Variants in RARB observed in about 807,000 individuals in gnomAD.
RARB encodes retinoic acid receptor beta, also known as HBV-activated protein.
Under a neutral mutation model 51.9 loss-of-function variants are expected in RARB, and 17 were observed. That is an observed-to-expected ratio of 0.33 (90% confidence interval 0.22 to 0.49). The LOEUF (loss-of-function observed/expected upper bound fraction) is 0.49. RARB is among the 20% of genes least tolerant of loss of function. The probability of loss-of-function intolerance (pLI) is 0.99; values close to 1 mark genes in which losing one functional copy is unlikely to be tolerated. For missense variants in RARB, 369 were observed against 550.8 expected, an observed-to-expected ratio of 0.67 and a Z score of 3.30; for synonymous variants, 215 against 195.4, an observed-to-expected ratio of 1.10 and a Z score of -0.84.
At chr3:25,049,916 G>T (rs1698292568) in intron 2 of RARB, among the ~76,000 whole-genome samples, 1 of 152,200 alleles carries the variant, frequency 6.6e-6, no homozygotes. Context: ...TCAAAGTCTA[G>T]TAAAGGGAAA....
chr3:25,311,036 CACA>C (rs1315076093), intron 5 of RARB, among the ~76,000 whole-genome samples: 1 of 152,162 alleles, frequency 6.6e-6, no homozygotes, highest in African/African-American at 2.4e-5. Context: ...GGTACCAGAA[CACA>C]ACATTTGATG....
chr3:25,397,705 C>A (rs1707153625), intron 5 of RARB, among the ~76,000 whole-genome samples: 1 of 152,106 alleles, frequency 6.6e-6, no homozygotes, highest in Non-Finnish European at 1.5e-5. Flanking sequence ...TTATCAAGTT[C>A]CTCATTATCA....
chr3:25,364,418 A>G (rs1706048767), intron 5 of RARB, among the ~76,000 whole-genome samples: 1 of 152,204 alleles, frequency 6.6e-6, no homozygotes, highest in Non-Finnish European at 1.5e-5. Flanking sequence ...TCCCAGAATA[A>G]TGCACATCTG....
At chr3:24,996,522 CT>C (rs1374083125) in intron 2 of RARB, among the ~76,000 whole-genome samples, 1 of 151,806 alleles carries the variant, frequency 6.6e-6, no homozygotes, top group Non-Finnish European at 1.5e-5. Context: ...TGCTTTTCTA[CT>C]TCCTTGAGGT....
chr3:24,861,475 C>T (rs1179314440), intron 2 of RARB, among the ~76,000 whole-genome samples: 2 of 151,700 alleles, frequency 1.3e-5, no homozygotes, highest in Non-Finnish European at 1.5e-5. Flanking sequence ...AATCAAGGAC[C>T]TCAAAGATCT....
chr3:25,002,798 C>T (rs1697194001), intron 2 of RARB, among the ~76,000 whole-genome samples: 1 of 151,488 alleles, frequency 6.6e-6, no homozygotes, highest in Admixed American at 6.6e-5. Context: ...ATATCTTAAC[C>T]TTTTAATTGC....
At chr3:25,455,193 G>T (rs1287876868) in intron 1 of RARB, among the ~76,000 whole-genome samples, 1 of 152,182 alleles carries the variant, frequency 6.6e-6, no homozygotes. Context: ...ATTTGACAGG[G>T]TAATTTTATG....
chr3:25,183,596 T>G (rs1575202737), intron 5 of RARB, among the ~76,000 whole-genome samples: 2 of 152,310 alleles, frequency 1.3e-5, no homozygotes, highest in Admixed American at 1.3e-4. Flanking sequence ...ACCGAGGGAT[T>G]ATTGGTGGCA....
chr3:25,406,805 C>T (rs1309846907), intron 5 of RARB, among the ~76,000 whole-genome samples: 2 of 152,164 alleles, frequency 1.3e-5, no homozygotes, highest in Non-Finnish European at 2.9e-5. Flanking sequence ...ACAGCCACTA[C>T]CATCACACCA....
At chr3:25,184,496 T>C (rs1700931154) in intron 5 of RARB, among the ~76,000 whole-genome samples, 1 of 152,062 alleles carries the variant, frequency 6.6e-6, no homozygotes, top group Non-Finnish European at 1.5e-5. Flanking sequence ...TGAACCACAA[T>C]TGATGTTAGT....
At chr3:25,467,973 G>T (rs1695511619) in intron 2 of RARB, among the ~76,000 whole-genome samples, 1 of 152,128 alleles carries the variant, frequency 6.6e-6, no homozygotes, top group Non-Finnish European at 1.5e-5. Context: ...TAATTTAGGG[G>T]TATTCTATTT....
At chr3:25,159,359 G>A (rs575313083) in intron 4 of RARB, among the ~76,000 whole-genome samples, 66 of 150,874 alleles carry the variant, frequency 4.4e-4, no homozygotes, top group Non-Finnish European at 8.6e-4. Context: ...AGTAGAGACC[G>A]GGTTTCTCCA....
intron 2 of RARB, among the ~76,000 whole-genome samples, chr3:24,892,295 C>CT (rs984865284): frequency 6.6e-6 from 1 of 151,002 alleles, no homozygotes; most frequent in African/African-American, 2.4e-5. Context: ...AGAGAATGGG[C>CT]TGGAGGTAGG....
intron 2 of RARB, among the ~76,000 whole-genome samples, chr3:25,021,792 T>G (rs1253067331): frequency 1.3e-5 from 2 of 152,160 alleles, no homozygotes; most frequent in Non-Finnish European, 2.9e-5. Context: ...AAGACACAAG[T>G]CACTATCTCA....
intron 2 of RARB, among the ~76,000 whole-genome samples, chr3:24,925,835 C>A (rs1695309715): frequency 1.3e-5 from 2 of 151,968 alleles, no homozygotes; most frequent in Non-Finnish European, 1.5e-5. Context: ...TCAAGTTATT[C>A]TATAATCTCA....
At chr3:25,216,426 T>A (rs890999795) in intron 5 of RARB, among the ~76,000 whole-genome samples, 12 of 152,320 alleles carry the variant, frequency 7.9e-5, no homozygotes, top group African/African-American at 2.9e-4. Context: ...TGAGTTCGTA[T>A]CCTTTGCAGG....
chr3:24,910,222 A>G (rs182631504), intron 2 of RARB, among the ~76,000 whole-genome samples: 29 of 152,254 alleles, frequency 1.9e-4, no homozygotes, highest in Admixed American at 5.9e-4. Flanking sequence ...TAAGCCTAGA[A>G]ACTTAGGGAA....
intron 5 of RARB, among the ~76,000 whole-genome samples, chr3:25,329,534 G>C (rs12053850): frequency 0.23 from 34,342 of 152,098 alleles, 5,209 homozygotes; most frequent in East Asian, 0.66. Flanking sequence ...ACCAAAGGTA[G>C]GTAAAACCAC....
intron 3 of RARB, among the ~76,000 whole-genome samples, chr3:25,517,655 G>A (rs1338288671): frequency 3.3e-5 from 5 of 151,774 alleles, no homozygotes; most frequent in Non-Finnish European, 7.4e-5. Context: ...ATATACTCAA[G>A]AGAAATAAAA....
Sources: gnomAD v4.1 joint callset for allele counts (sites outside exome capture counted in the v4.1 genomes callset) on GRCh38, gnomAD v4.1.1 for gene constraint, MANE v1.5 for transcripts, NCBI Gene and HGNC (gene_info 2026-07-23, HGNC 2026-07-21) for gene names.